NUCB2: variants seen among roughly 807,000 people sequenced by gnomAD.
The protein encoded by NUCB2 is nucleobindin-2.
Under a neutral mutation model 57.9 loss-of-function variants are expected in NUCB2, and 48 were observed. That is an observed-to-expected ratio of 0.83 (90% CI 0.66 to 1.05). The LOEUF (loss-of-function observed/expected upper bound fraction) is 1.05, where lower values mean the gene tolerates loss of function less well. Ranked by LOEUF, NUCB2 falls within the 50% of genes least tolerant of loss-of-function variation. The pLI, the probability that NUCB2 is intolerant of heterozygous loss-of-function variation, is 0.00. For missense variants in NUCB2, 442 were observed against 476.2 expected, an observed-to-expected ratio of 0.93 and a Z score of 0.67; for synonymous variants, 139 against 152.1, an observed-to-expected ratio of 0.91 and a Z score of 0.64.
At position 17,309,576 on chromosome 11, in the gene NUCB2, A is replaced by C. The variant is rs1196150085; in HGVS notation, c.384A>C (p.Ile128=). The C allele has an allele frequency of 2.6e-6, 4 of 1,556,038 alleles. No homozygotes were observed. In the Admixed American group the frequency reaches 8.0e-5, roughly 31 times the overall value. ...AGTTTTCTTATTTTCTTTCAGATATAGGCATGGACCACCAAGCTCTTCTAA... is the reference window on the plus strand; with the variant it reads ...AGTTTTCTTATTTTCTTTCAGATATCGGCATGGACCACCAAGCTCTTCTAA... The part of the protein sequence containing the change: ...IKAKLDSLQD[I]GMDHQALLKQ... The change falls in exon 6 of 14, where the codon ATA becomes ATC. Residue 128 remains isoleucine (I), a synonymous_variant. Coordinates refer to ENST00000529010, the MANE Select transcript of NUCB2 (RefSeq NM_005013.4).
At chr11:17,294,313 A>T (rs1055999141) in intron 2 of NUCB2, among the ~76,000 whole-genome samples, 1 of 152,154 alleles carries the variant, frequency 6.6e-6, no homozygotes, top group Non-Finnish European at 1.5e-5. Flanking sequence ...GGTCTTGGGT[A>T]CAGCCTGAGA....
chr11:17,333,896 C>T (rs1237810615), downstream of NUCB2: 1 of 152,222 alleles, frequency 6.6e-6, no homozygotes, highest in Non-Finnish European at 1.5e-5. Context: ...TCACTGCAGA[C>T]TTGTTAATCT....
chr11:17,283,864 T>G (rs1482565179), intron 2 of NUCB2, among the ~76,000 whole-genome samples: 3 of 152,212 alleles, frequency 2.0e-5, no homozygotes, highest in African/African-American at 4.8e-5. Context: ...TTCACTATGG[T>G]CACATGAGGA....
rs975765615 is a variant in NUCB2, at chr11:17,347,928, T to C, written n.2627-1417T>C. 1.3e-4 allele frequency among the ~76,000 whole-genome samples: 20 copies of C among 152,214 alleles called. 1 individual carries two copies. Reference sequence around the variant, plus strand: ...TGAGAAGGCCAACCAACATTACTCATGCTGTTGGAAACTTTTATAGCAATT... The same window carrying C: ...TGAGAAGGCCAACCAACATTACTCACGCTGTTGGAAACTTTTATAGCAATT... On this transcript the variant is annotated intron_variant and non_coding_transcript_variant, in intron 2 of 2. Coordinates refer to the NUCB2 transcript ENST00000532240.
intron 2 of NUCB2, among the ~76,000 whole-genome samples, chr11:17,343,351 A>G (rs1028275755): frequency 2.6e-5 from 4 of 152,254 alleles, no homozygotes; most frequent in African/African-American, 9.6e-5. Context: ...ATCTCCCATG[A>G]ATCATTGCAT....
Position 17,288,961 on chromosome 11 carries a change from ATAT to A in NUCB2, c.-1+6020_-1+6022del, listed in dbSNP as rs1462477386. 1.5e-3 allele frequency among the ~76,000 whole-genome samples: 87 copies of A among 56,398 alleles called. 10 individuals carry two copies. The highest frequency in any genetic ancestry group is 7.4e-3 in the African/African-American group (81 of 10,982). 37.0% of individuals were successfully genotyped at this position (56,398 alleles called of 152,430 possible). A position where few individuals can be genotyped will look rare whatever the true frequency, so the allele number is the denominator to read the frequency against. On this transcript the variant is annotated intron_variant, in intron 2 of 13. Transcript: ENST00000529010. ...CACACACACACACACATATATATAT[ATAT>A]TTTTTTTTTTTGAGATGGAGTTTTG...
chr11:17,305,884 C>T (rs1269412082), intron 5 of NUCB2, among the ~76,000 whole-genome samples: 2 of 152,070 alleles, frequency 1.3e-5, no homozygotes, highest in African/African-American at 4.8e-5. Context: ...CCTTGGCCTC[C>T]TAAAGTGCAG....
Position 17,319,734 on chromosome 11 carries a change from A to AT in NUCB2, c.1002+4265dup, listed in dbSNP as rs1949766260. ...TCTTGATTTCCTTTTTTTCATTTTAATTTTTTGAAGTTCAGGGGTACATGT... is the reference window on the plus strand; with the variant it reads ...TCTTGATTTCCTTTTTTTCATTTTAATTTTTTTGAAGTTCAGGGGTACATGT... On this transcript the variant is annotated intron_variant, in intron 11 of 13. Coordinates refer to ENST00000529010, the MANE Select transcript of NUCB2 (RefSeq NM_005013.4). Among the ~76,000 whole-genome samples, 3 of 152,030 alleles carry AT rather than the reference A, an allele frequency of 2.0e-5. No homozygotes were observed. In the South Asian group the frequency reaches 6.2e-4, roughly 31 times the overall value.
In NUCB2 at chr11:17,296,231, A is replaced by G; in HGVS notation, c.252+20A>G. 7.0e-7 allele frequency: 1 copy of G among 1,420,494 alleles called. No individual in the cohort carries two copies. Among genetic ancestry groups the G allele is most frequent in the South Asian group, 1.2e-5 (1 of 82,722 alleles). The allele number at this position is 1,420,494 out of a possible 1,614,324, so 88.0% of individuals were successfully genotyped here. ...ATAAAGGTAAATGCAATTCAATAAT[A>G]TATACATATATGTATCTTAATTTAA... On this transcript the variant is annotated intron_variant, in intron 4 of 13. Coordinates refer to ENST00000529010, the MANE Select transcript of NUCB2 (RefSeq NM_005013.4).
At chr11:17,338,807 G>A (rs1244163258) in intron 2 of NUCB2, among the ~76,000 whole-genome samples, 15 of 151,812 alleles carry the variant, frequency 9.9e-5, no homozygotes, top group Non-Finnish European at 1.6e-4. Flanking sequence ...GGGACTATAG[G>A]CATATGCCAC....
intron 4 of NUCB2, 22 bp downstream of exon 4, chr11:17,296,233 A>G (rs1339011386): frequency 7.0e-7 from 1 of 1,419,408 alleles, no homozygotes; most frequent in Admixed American, 1.8e-5. Context: ...TCAATAATAT[A>G]TACATATATG....
downstream of NUCB2, among the ~76,000 whole-genome samples, chr11:17,335,267 T>A (rs1213166278): frequency 6.6e-6 from 1 of 152,146 alleles, no homozygotes; most frequent in African/African-American, 2.4e-5. Context: ...AGACATTCTT[T>A]TGGGTAAACG....
chr11:17,346,458 G>C (rs1369000054), intron 2 of NUCB2, among the ~76,000 whole-genome samples: 1 of 133,554 alleles, frequency 7.5e-6, no homozygotes. Flanking sequence ...GTTATGAAGA[G>C]TCTAATAAGC....
chr11:17,306,404 CAA>C (rs1947645907), intron 5 of NUCB2, among the ~76,000 whole-genome samples: 2 of 152,062 alleles, frequency 1.3e-5, no homozygotes, highest in Non-Finnish European at 1.5e-5. Context: ...TCTTAGAAAA[CAA>C]ATACCAAATA....
intron 2 of NUCB2, among the ~76,000 whole-genome samples, chr11:17,287,979 T>C (rs1347703780): frequency 6.6e-6 from 1 of 152,096 alleles, no homozygotes; most frequent in Non-Finnish European, 1.5e-5. Context: ...GCACGGGCAG[T>C]AGAGTGAGAC....
At chr11:17,308,504 A>G (rs1591419009) in intron 5 of NUCB2, among the ~76,000 whole-genome samples, 3 of 152,076 alleles carry the variant, frequency 2.0e-5, no homozygotes, top group African/African-American at 7.2e-5. Flanking sequence ...CTTGCCTTTC[A>G]CCCTTCCATA....
chr11:17,298,994 C>T (rs147374780), intron 4 of NUCB2, among the ~76,000 whole-genome samples: 14 of 152,300 alleles, frequency 9.2e-5, no homozygotes, highest in African/African-American at 1.4e-4. Context: ...CCACCATGCC[C>T]GGCCTCTCTT....
At chr11:17,311,041 T>A (rs1272291968) in intron 7 of NUCB2, 31 bp downstream of exon 7, 1 of 1,518,644 alleles carries the variant, frequency 6.6e-7, no homozygotes, top group African/African-American at 1.4e-5. Flanking sequence ...AAACCATTTT[T>A]AGATAAAGAT....
intron 11 of NUCB2, among the ~76,000 whole-genome samples, chr11:17,320,732 T>C (rs1158715890): frequency 6.6e-6 from 1 of 152,194 alleles, no homozygotes; most frequent in Non-Finnish European, 1.5e-5. Context: ...AAAAATTACT[T>C]GGGTTAGTTC....
Sources: gnomAD v4.1 joint callset for allele counts (sites outside exome capture counted in the v4.1 genomes callset) on GRCh38, gnomAD v4.1.1 for gene constraint, MANE v1.5 for transcripts, NCBI Gene and HGNC (gene_info 2026-07-23, HGNC 2026-07-21) for gene names.